The following ZNF8 variants were observed in gnomAD, a reference collection of about 807,000 sequenced individuals.
The protein encoded by ZNF8 is zinc finger protein 272.
A neutral mutation model predicts 12.2 loss-of-function variants in ZNF8; 9 were observed. That is an observed-to-expected ratio of 0.73 (90% CI 0.44 to 1.28). The LOEUF is 1.28. Among genes scored for constraint, ZNF8 ranks in the 50% most tolerant of loss-of-function variants. ZNF8 has a pLI of 0.00. For synonymous variants in ZNF8, 274 were observed against 282.3 expected (o/e 0.97, Z 0.30); for missense variants, 664 against 729.1 (o/e 0.91, Z 1.03).
chr19:58,293,500 GAGGGGGCTTGA>G (rs2051433532), intron 3 of ZNF8, among the ~76,000 whole-genome samples: 1 of 152,236 alleles, frequency 6.6e-6, no homozygotes, highest in African/African-American at 2.4e-5. Context: ...AAGAGCAGAT[GAGGGGGCTTGA>G]AGAGGGCTTG....
At position 58,300,556 on chromosome 19, in the gene ZNF8, A is replaced by C. The variant is rs1368059813; in HGVS notation, c.*5020A>C. The stretch of plus-strand genomic sequence containing the variant: ...TTAGAAACCTCGTATTTACCTTTCT[A>C]ACCTCTGTGGTGGAGACAGGTGGGA... On this transcript the variant is annotated 3_prime_UTR_variant, in exon 4 of 4. Coordinates refer to ENST00000621650, the MANE Select transcript of ZNF8 (RefSeq NM_021089.3). The C allele has an allele frequency of 2.0e-5, 3 of 152,246 alleles. No individual in the cohort carries two copies. The highest frequency in any genetic ancestry group is 2.9e-5 in the Non-Finnish European group (2 of 68,046). 9.4% of individuals were successfully genotyped at this position (152,246 alleles called of 1,614,324 possible). A position where few individuals can be genotyped will look rare whatever the true frequency, so the allele number is the denominator to read the frequency against.
chr19:58,291,073 T>C (rs2051416479), intron 3 of ZNF8, among the ~76,000 whole-genome samples: 1 of 152,136 alleles, frequency 6.6e-6, no homozygotes, highest in Admixed American at 6.5e-5. Flanking sequence ...TCCAGGCAGA[T>C]CCCACTCCCA....
Position 58,285,271 on chromosome 19 carries a change from C to T in ZNF8, c.67-446C>T, listed in dbSNP as rs565084061. The stretch of plus-strand genomic sequence containing the variant: ...TCAAGCGATTCTGCTGCCTCAGCTT[C>T]CCAAGTAGCTGGGATTACAGGCATG... On this transcript the variant is annotated intron_variant, in intron 1 of 3. Coordinates refer to ENST00000621650, the MANE Select transcript of ZNF8 (RefSeq NM_021089.3). Among the ~76,000 whole-genome samples the T allele has an allele frequency of 3.6e-4, 55 of 152,038 alleles. 1 individual carries two copies. The highest frequency in any genetic ancestry group is 1.3e-3 in the African/African-American group (54 of 41,440).
At chr19:58,283,761 G>A (rs541259358) in intron 1 of ZNF8, among the ~76,000 whole-genome samples, 3 of 151,640 alleles carry the variant, frequency 2.0e-5, no homozygotes, top group South Asian at 2.1e-4. Flanking sequence ...CACCACGCTC[G>A]GCTAATTTTT....
chr19:58,290,945 C>G (rs1340245706), intron 3 of ZNF8, among the ~76,000 whole-genome samples: 1 of 152,046 alleles, frequency 6.6e-6, no homozygotes, highest in Non-Finnish European at 1.5e-5. Flanking sequence ...CTCAGCTGTT[C>G]AGGAGGCTGA....
intron 1 of ZNF8, 121 bp from the exon 2 acceptor site, chr19:58,285,596 A>G (rs1260583827): frequency 7.1e-7 from 1 of 1,413,204 alleles, no homozygotes; most frequent in African/African-American, 1.4e-5. Flanking sequence ...GACTCCCATC[A>G]TTCATAACGT....
intron 1 of ZNF8, among the ~76,000 whole-genome samples, chr19:58,282,836 C>T (rs960376058): frequency 7.9e-5 from 12 of 152,108 alleles, no homozygotes; most frequent in African/African-American, 2.9e-4. Flanking sequence ...CCATGTTGCC[C>T]AGGCTAGTCA....
rs765507367 is a variant in ZNF8, at chr19:58,286,159, C to G, written c.243C>G (p.Thr81=). Residue 81 remains threonine, a synonymous_variant, in exon 3 of 4, where the codon ACC becomes ACG. Transcript: ENST00000621650. ...TCATCTCCCAGCTGGAGCAAGGGACCGAGCTATGGGTGGCTGAGAGAGGAA... is the reference window on the plus strand; with the variant it reads ...TCATCTCCCAGCTGGAGCAAGGGACGGAGCTATGGGTGGCTGAGAGAGGAA... ...PEVISQLEQG[T]ELWVAERGTT... is the part of the protein sequence containing the mutation. 2.5e-6 allele frequency: 4 copies of G among 1,614,048 alleles called. No individual in the cohort carries two copies. The highest frequency in any genetic ancestry group is 3.4e-6 in the Non-Finnish European group (4 of 1,180,010).
At chr19:58,282,066 T>C (rs2051353590) in intron 1 of ZNF8, among the ~76,000 whole-genome samples, 1 of 152,172 alleles carries the variant, frequency 6.6e-6, no homozygotes, top group Non-Finnish European at 1.5e-5. Flanking sequence ...TGAACCGAGA[T>C]TGCACCACTG....
At chr19:58,285,161 T>A (rs1386541511) in intron 1 of ZNF8, among the ~76,000 whole-genome samples, 2 of 151,376 alleles carry the variant, frequency 1.3e-5, no homozygotes, top group Non-Finnish European at 2.9e-5. Context: ...TTTTTTGTTT[T>A]TTTTTTTTGA....
intron 1 of ZNF8, among the ~76,000 whole-genome samples, chr19:58,283,630 C>A (rs1170728806): frequency 7.3e-6 from 1 of 137,460 alleles, no homozygotes; most frequent in Admixed American, 7.8e-5. Flanking sequence ...GTCGGAGTCT[C>A]ACTCTGTTGC....
chr19:58,289,939 A>G (rs2051406884), intron 3 of ZNF8, among the ~76,000 whole-genome samples: 1 of 151,760 alleles, frequency 6.6e-6, no homozygotes, highest in Admixed American at 6.6e-5. Flanking sequence ...CTGAGACTAC[A>G]GGCCGTGCCA....
intron 3 of ZNF8, among the ~76,000 whole-genome samples, chr19:58,288,300 C>G (rs2051397180): frequency 6.6e-6 from 1 of 152,146 alleles, no homozygotes; most frequent in African/African-American, 2.4e-5. Flanking sequence ...AAACAGGAGC[C>G]CTGAGTCTGC....
rs1477555986 is a variant in ZNF8, at chr19:58,302,035, C to T, written c.*6499C>T. ...CATAAAAATTCATTAAAAATGAAGACTCTATATACAGCTTGAATATTCCTT... is the reference window on the plus strand; with the variant it reads ...CATAAAAATTCATTAAAAATGAAGATTCTATATACAGCTTGAATATTCCTT... On this transcript the variant is annotated 3_prime_UTR_variant, in exon 4 of 4. Coordinates refer to ENST00000621650, the MANE Select transcript of ZNF8 (RefSeq NM_021089.3). 2 of 152,176 alleles carry T rather than the reference C, an allele frequency of 1.3e-5. No homozygotes were observed. The highest frequency in any genetic ancestry group is 4.8e-5 in the African/African-American group (2 of 41,436). 9.4% of individuals were successfully genotyped at this position (152,176 alleles called of 1,614,324 possible). A position where few individuals can be genotyped will look rare whatever the true frequency, so the allele number is the denominator to read the frequency against.
Position 58,282,636 on chromosome 19 carries a change from T to A in ZNF8, c.67-3081T>A, listed in dbSNP as rs992431832. Reference sequence around the variant, plus strand: ...TCTTACTTTTAATTTAATTTAATTTTTTTTTTTTTGAGATGGAGTCTCACT... The same window carrying A: ...TCTTACTTTTAATTTAATTTAATTTATTTTTTTTTGAGATGGAGTCTCACT... On this transcript the variant is annotated intron_variant, in intron 1 of 3. Coordinates refer to ENST00000621650, the MANE Select transcript of ZNF8 (RefSeq NM_021089.3). 3.7e-4 allele frequency among the ~76,000 whole-genome samples: 56 copies of A among 152,004 alleles called. 1 individual carries two copies. The highest frequency in any genetic ancestry group is 1.1e-3 in the Admixed American group (17 of 15,276).
rs558658938 is a variant in ZNF8 at position 58,279,240 on chromosome 19, C to T, written c.66+93C>T. On this transcript the variant is annotated intron_variant, in intron 1 of 3. Coordinates refer to ENST00000621650, the MANE Select transcript of ZNF8 (RefSeq NM_021089.3). ...TCACCTCGCGGCGCGATGAGAGCGGCACCGCTGTTAATGCCCTTGACACGT... is the reference window on the plus strand; with the variant it reads ...TCACCTCGCGGCGCGATGAGAGCGGTACCGCTGTTAATGCCCTTGACACGT... 1.8e-5 allele frequency: 27 copies of T among 1,535,212 alleles called. No individual in the cohort carries two copies. The South Asian group carries it at 3.0e-4, about 17-fold the overall frequency.
intron 3 of ZNF8, among the ~76,000 whole-genome samples, chr19:58,287,124 T>C (rs260475): frequency 0.24 from 36,990 of 152,036 alleles, 4,747 homozygotes; most frequent in East Asian, 0.48. Flanking sequence ...ACTGCAGCCT[T>C]GACCTCCCTA....
At chr19:58,287,910 G>A (rs2051394260) in intron 3 of ZNF8, among the ~76,000 whole-genome samples, 1 of 126,664 alleles carries the variant, frequency 7.9e-6, no homozygotes, top group Admixed American at 9.6e-5. Flanking sequence ...TCTTGTCCAG[G>A]CTGCAGGCTG....
At chr19:58,291,830 A>G (rs989961703) in intron 3 of ZNF8, among the ~76,000 whole-genome samples, 13 of 152,076 alleles carry the variant, frequency 8.5e-5, no homozygotes, top group Non-Finnish European at 1.6e-4. Context: ...ATGTCTGGGG[A>G]TGAGGGTTCT....
Sources: allele counts gnomAD v4.1 joint callset (sites outside exome capture counted in the v4.1 genomes callset), GRCh38; gene constraint gnomAD v4.1.1; transcripts MANE v1.5; gene names NCBI Gene and HGNC (gene_info 2026-07-23, HGNC 2026-07-21).